SHISAL2A: variants seen among roughly 807,000 people sequenced by gnomAD.
SHISAL2A encodes shisa like 2A.
Under a neutral mutation model 11.5 loss-of-function variants are expected in SHISAL2A, and 18 were observed. The observed-to-expected ratio is 1.57, with a 90% CI of 1.08 to 2.33. The LOEUF is 2.33. SHISAL2A is among the 30% of genes most tolerant of loss of function. The pLI is 0.00. For synonymous variants in SHISAL2A, 94 were observed against 99.6 expected, an observed-to-expected ratio of 0.94 and a Z score of 0.34; for missense variants, 261 against 250.9, an observed-to-expected ratio of 1.04 and a Z score of -0.27.
At chr1:52,668,368 C>G (rs1281676905) in intron 5 of SHISAL2A, 9 of 152,312 alleles carry the variant, frequency 5.9e-5, no homozygotes, top group African/African-American at 2.2e-4. Context: ...GCAGCCTTCC[C>G]ATTTGAAAAT....
At chr1:52,651,401 T>A (rs1691643391) in intron 2 of SHISAL2A, among the ~76,000 whole-genome samples, 1 of 151,868 alleles carries the variant, frequency 6.6e-6, no homozygotes, top group South Asian at 2.1e-4. Flanking sequence ...CACGCCTGGC[T>A]AATATTTGTA....
chr1:52,648,978 G>A (rs186753673), intron 2 of SHISAL2A, among the ~76,000 whole-genome samples: 2 of 152,290 alleles, frequency 1.3e-5, no homozygotes. Flanking sequence ...GAGACAGCAT[G>A]TCCTCTTGAT....
chr1:52,665,650 GGGCCCTATTGGGGCCCAGAGGA>G (rs960937914), intron 4 of SHISAL2A, among the ~76,000 whole-genome samples: 1 of 152,138 alleles, frequency 6.6e-6, no homozygotes, highest in African/African-American at 2.4e-5. Context: ...CAATAAGTAT[GGGCCCTATTGGGGCCCAGAGGA>G]GGCCCTAAGT....
rs183489987 is a variant in SHISAL2A at position 52,647,390 on chromosome 1, C to T, written c.322+4388C>T. Reference sequence around the variant, plus strand: ...CTGTGACTTTGTAGAATATAACTACCGTGAATAATGAGAATCAACTGTATA... The same window carrying T: ...CTGTGACTTTGTAGAATATAACTACTGTGAATAATGAGAATCAACTGTATA... On this transcript the variant is annotated intron_variant, in intron 2 of 2. Coordinates refer to ENST00000517870, the MANE Select transcript of SHISAL2A (RefSeq NM_001042693.3). Among the ~76,000 whole-genome samples the T allele has an allele frequency of 6.5e-4, 99 of 151,972 alleles. 1 individual carries two copies. Among genetic ancestry groups the T allele is most frequent in the Non-Finnish European group, 9.6e-4 (65 of 67,984 alleles).
chr1:52,663,577 A>G (rs1427716933), intron 4 of SHISAL2A, among the ~76,000 whole-genome samples: 2 of 152,088 alleles, frequency 1.3e-5, no homozygotes, highest in African/African-American at 4.8e-5. Flanking sequence ...CCTGGCCAAC[A>G]TGGTGAAACC....
intron 2 of SHISAL2A, among the ~76,000 whole-genome samples, chr1:52,651,230 A>G (rs1466351239): frequency 6.6e-6 from 1 of 151,272 alleles, no homozygotes; most frequent in Non-Finnish European, 1.5e-5. Flanking sequence ...CAATATTGCA[A>G]AGGTTTTTTG....
chr1:52,654,306 TAGAG>T (rs1220046343), intron 2 of SHISAL2A, among the ~76,000 whole-genome samples: 1 of 151,576 alleles, frequency 6.6e-6, no homozygotes, highest in South Asian at 2.1e-4. Flanking sequence ...AATTTATATA[TAGAG>T]AGACAAAGGA....
downstream of SHISAL2A, among the ~76,000 whole-genome samples, chr1:52,660,449 C>T (rs1691881988): frequency 6.6e-6 from 1 of 152,162 alleles, no homozygotes; most frequent in Non-Finnish European, 1.5e-5. Flanking sequence ...TCCCCCAGGG[C>T]AGCCGCAGTG....
intron 2 of SHISAL2A, 101 bp from the exon 3 acceptor site, chr1:52,656,689 C>G: frequency 7.7e-7 from 1 of 1,297,820 alleles, no homozygotes; most frequent in Non-Finnish European, 1.1e-6. Flanking sequence ...AGGCTCTGAC[C>G]ACAGTGCACT....
downstream of SHISAL2A, among the ~76,000 whole-genome samples, chr1:52,658,802 G>A (rs1205852326): frequency 6.6e-6 from 1 of 152,196 alleles, no homozygotes; most frequent in East Asian, 1.9e-4. Flanking sequence ...CTGTGGAGAC[G>A]CAGCTCAGCA....
chr1:52,653,455 G>A, intron 2 of SHISAL2A, among the ~76,000 whole-genome samples: 1 of 151,786 alleles, frequency 6.6e-6, no homozygotes, highest in East Asian at 1.9e-4. Flanking sequence ...GCAAGACTCT[G>A]TCTCAAAAAA....
chr1:52,661,219 G>A (rs552440344), downstream of SHISAL2A, among the ~76,000 whole-genome samples: 2 of 152,298 alleles, frequency 1.3e-5, no homozygotes, highest in South Asian at 2.1e-4. Flanking sequence ...ACAGGAAAGG[G>A]TTTCAAGCAT....
At chr1:52,667,051 G>A (rs796839218) in intron 4 of SHISAL2A, among the ~76,000 whole-genome samples, 12 of 152,352 alleles carry the variant, frequency 7.9e-5, no homozygotes, top group African/African-American at 1.9e-4. Context: ...AGGAGTTGCT[G>A]CCTCCTTCAG....
intron 2 of SHISAL2A, among the ~76,000 whole-genome samples, chr1:52,644,973 C>A (rs1385881144): frequency 2.0e-5 from 3 of 147,282 alleles, no homozygotes; most frequent in Admixed American, 1.4e-4. Context: ...GCAGAAATTG[C>A]GCCACTGCAC....
intron 1 of SHISAL2A, among the ~76,000 whole-genome samples, chr1:52,638,816 G>C (rs1691294531): frequency 6.6e-6 from 1 of 152,170 alleles, no homozygotes; most frequent in Non-Finnish European, 1.5e-5. Context: ...GGGTAAGGAA[G>C]GTATTGATTA....
At chr1:52,650,307 G>A (rs772284459) in intron 2 of SHISAL2A, among the ~76,000 whole-genome samples, 7 of 152,206 alleles carry the variant, frequency 4.6e-5, no homozygotes, top group African/African-American at 9.7e-5. Context: ...CAGGTAATGG[G>A]GGACTGGCCA....
intron 2 of SHISAL2A, among the ~76,000 whole-genome samples, chr1:52,653,640 C>A (rs2149888821): frequency 6.6e-6 from 1 of 151,818 alleles, no homozygotes; most frequent in Non-Finnish European, 1.5e-5. Context: ...AAAAAAAAAA[C>A]TACAAAATGC....
intron 1 of SHISAL2A, among the ~76,000 whole-genome samples, chr1:52,635,639 C>A (rs997963572): frequency 6.6e-6 from 1 of 151,894 alleles, no homozygotes; most frequent in Non-Finnish European, 1.5e-5. Context: ...ACAACTCCTC[C>A]TATAGGAGGA....
downstream of SHISAL2A, among the ~76,000 whole-genome samples, chr1:52,659,041 G>GGT (rs141913792): frequency 2.4e-4 from 35 of 147,620 alleles, no homozygotes; most frequent in East Asian, 4.0e-4. Flanking sequence ...TGGTGGTGGT[G>GGT]GTGTGTGTGT....
Sources: gnomAD v4.1 joint callset for allele counts (sites outside exome capture counted in the v4.1 genomes callset) on GRCh38, gnomAD v4.1.1 for gene constraint, MANE v1.5 for transcripts, NCBI Gene and HGNC (gene_info 2026-07-23, HGNC 2026-07-21) for gene names.